Variants in MYL5 observed in about 807,000 individuals in gnomAD.
The protein encoded by MYL5 is myosin regulatory light chain 5.
MYL5 carries 28 observed loss-of-function variants against 20.8 expected under a neutral mutation model. The ratio of observed to expected loss-of-function variants is 1.35; its 90% CI spans 1.00 to 1.84. The LOEUF (loss-of-function observed/expected upper bound fraction) is 1.84, where lower values mean the gene tolerates loss of function less well. Ranked by LOEUF, MYL5 falls within the 40% of genes most tolerant of loss-of-function variation. The pLI, the probability that MYL5 is intolerant of heterozygous loss-of-function variation, is 0.00. For synonymous variants in MYL5, 118 were observed against 87.4 expected (o/e 1.35, Z -1.95); for missense variants, 274 against 227.3 (o/e 1.21, Z -1.32).
At chr4:681,252 G>A in intron 6 of MYL5, 112 bp downstream of exon 8, 3 of 1,283,558 alleles carry the variant, frequency 2.3e-6, no homozygotes, top group South Asian at 1.3e-5. Context: ...TTAGGACCCA[G>A]GACAGAACAG....
chr4:678,320 C>T (rs554659733), intron 1 of MYL5: 8 of 1,424,238 alleles, frequency 5.6e-6, no homozygotes, highest in East Asian at 5.2e-5. Flanking sequence ...TCCCGGTACC[C>T]AGAACAAGCC....
exon 1 of MYL5, chr4:677,934 G>A (rs577893306): frequency 2.4e-4 from 385 of 1,606,250 alleles, no homozygotes; most frequent in Non-Finnish European, 3.0e-4. Flanking sequence ...AGTGGCAGCC[G>A]GAGTCTGAAC....
upstream of MYL5, among the ~76,000 whole-genome samples, chr4:677,252 C>T (rs946197596): frequency 1.3e-5 from 2 of 152,176 alleles, no homozygotes; most frequent in Non-Finnish European, 2.9e-5. Context: ...ACCCCTTGAA[C>T]CAGGGCATCT....
At chr4:679,796 C>A in intron 3 of MYL5, 118 bp from the exon 6 acceptor site, 1 of 812,974 alleles carries the variant, frequency 1.2e-6, no homozygotes, top group Non-Finnish European at 2.0e-6. Context: ...CAAGCGTCTC[C>A]TTCCCGCTCC....
chr4:681,472 G>A (rs1739522998), intron 6 of MYL5, among the ~76,000 whole-genome samples: 1 of 85,268 alleles, frequency 1.2e-5, no homozygotes, highest in African/African-American at 4.7e-5. Flanking sequence ...CAGCCCCAGC[G>A]GGCGAGACTA....
At position 679,039 on chromosome 4, in the gene MYL5, T is replaced by C. The variant is rs751691638; in HGVS notation, c.187+6T>C. 6.2e-7 allele frequency: 1 copy of C among 1,613,064 alleles called. No homozygotes were observed. Among genetic ancestry groups the C allele is most frequent in the East Asian group, 2.2e-5 (1 of 44,880 alleles). On this transcript the variant is annotated splice_donor_region_variant and intron_variant, in intron 3 of 6. Transcript: ENST00000400159. ...GGACACCTATGCCTCCCTGGGTAGG[T>C]ACCCAGGCAGAACGCCTCAGAGCCC...
At chr4:678,283 A>T in intron 1 of MYL5, 1 of 1,443,696 alleles carries the variant, frequency 6.9e-7, no homozygotes, top group South Asian at 1.4e-5. Flanking sequence ...CCGGAGCAGG[A>T]TGAGGGGGTT....
exon 4 of MYL5, chr4:679,915 C>T (rs368743591): frequency 1.2e-6 from 2 of 1,613,484 alleles, no homozygotes; most frequent in African/African-American, 1.3e-5. Context: ...CTGTAACAGG[C>T]AAGACCAACG....
chr4:681,617 GCCGCCCCGCCC>G lies in MYL5; in HGVS notation c.421-273_421-263del, dbSNP rs1739576645. 8.8e-5 allele frequency among the ~76,000 whole-genome samples: 5 copies of G among 57,036 alleles called. No homozygotes were observed. The Admixed American group carries it at 9.8e-4, about 11-fold the overall frequency. 37.4% of individuals were successfully genotyped at this position (57,036 alleles called of 152,430 possible). On this transcript the variant is annotated intron_variant, in intron 6 of 6. Transcript: ENST00000400159. ...CCGCCGCCGCCCCGCCCCCTCCAGC[GCCGCCCCGCCC>G]CCTCCAGCGCCGCCCCGCCCCCTCC...
At chr4:676,666 G>A (rs962532649), upstream of MYL5, among the ~76,000 whole-genome samples, 2 of 152,140 alleles carry the variant, frequency 1.3e-5, no homozygotes, top group African/African-American at 4.8e-5. Flanking sequence ...GCCTCGGGGG[G>A]CCTCCCAACC....
intron 6 of MYL5, 73 bp downstream of exon 8, chr4:681,213 G>T: frequency 6.5e-7 from 1 of 1,536,846 alleles, no homozygotes; most frequent in Middle Eastern, 1.9e-4. Flanking sequence ...GGTGGAGGGG[G>T]ACGCGGAGCC....
chr4:674,608 C>G (rs889978518), upstream of MYL5: 4 of 362,466 alleles, frequency 1.1e-5, no homozygotes, highest in African/African-American at 8.9e-5. Context: ...CGTCCGCGTC[C>G]TGGCCGTGTG....
exon 7 of MYL5, chr4:681,949 G>C: frequency 7.4e-7 from 1 of 1,346,014 alleles, no homozygotes; most frequent in Non-Finnish European, 9.6e-7. Context: ...TGGACTACAA[G>C]GCGCTCAGCT....
intron 1 of MYL5, chr4:678,406 T>G: frequency 7.0e-7 from 1 of 1,419,750 alleles, no homozygotes; most frequent in Non-Finnish European, 9.2e-7. Context: ...CTGACCACTG[T>G]GCTCTGTGGG....
At chr4:674,558 G>A (rs1034944386), upstream of MYL5, 40 of 465,720 alleles carry the variant, frequency 8.6e-5, no homozygotes, top group Admixed American at 4.9e-4. Context: ...CCGCAGGGCT[G>A]GGGGTCCGCT....
intron 1 of MYL5, 125 bp downstream of exon 3, chr4:678,154 T>G (rs780775808): frequency 6.5e-7 from 1 of 1,546,582 alleles, no homozygotes; most frequent in South Asian, 1.2e-5. Context: ...TGTGGGCGTG[T>G]GCTCTGCCTG....
Position 680,537 on chromosome 4 carries a change from C to T in MYL5, c.321C>T (p.Asn107=), listed in dbSNP as rs552551762. Residue 107 remains asparagine, a synonymous_variant, in exon 5 of 7, where the codon AAC becomes AAT. Transcript: ENST00000400159. ...CCGACGCCGAGGAGACCATTCTTAA[C>T]GCCTTCAAGATGCTGGACCCGGACG... 102 of 1,613,566 alleles carry T rather than the reference C, an allele frequency of 6.3e-5. 2 individuals are homozygous for T. In the South Asian group the frequency reaches 6.8e-4, roughly 11 times the overall value.
At chr4:678,279 C>T in intron 1 of MYL5, 1 of 1,453,708 alleles carries the variant, frequency 6.9e-7, no homozygotes, top group Non-Finnish European at 9.1e-7. Flanking sequence ...GAGTCCGGAG[C>T]AGGATGAGGG....
intron 5 of MYL5, 97 bp from the exon 8 acceptor site, chr4:680,995 G>C: frequency 7.4e-7 from 1 of 1,354,916 alleles, no homozygotes; most frequent in Non-Finnish European, 1.0e-6. Flanking sequence ...AGTGCAGTGA[G>C]CGAGTACAAC....
Sources: allele counts gnomAD v4.1 joint callset (sites outside exome capture counted in the v4.1 genomes callset), GRCh38; gene constraint gnomAD v4.1.1; transcripts MANE v1.5; gene names NCBI Gene and HGNC (gene_info 2026-07-23, HGNC 2026-07-21).